DNAL1: variants seen among roughly 807,000 people sequenced by gnomAD.
The protein encoded by DNAL1 is dynein axonemal light chain 1.
A neutral mutation model predicts 29.4 loss-of-function variants in DNAL1; 17 were observed. That is an observed-to-expected ratio of 0.58 (90% confidence interval 0.40 to 0.87). The LOEUF is 0.87. DNAL1 is among the 40% of genes least tolerant of loss of function. The pLI, the probability that DNAL1 is intolerant of heterozygous loss-of-function variation, is 0.00. For missense variants in DNAL1, 188 were observed against 214.1 expected, an observed-to-expected ratio of 0.88 and a Z score of 0.76; for synonymous variants, 78 against 76.3, an observed-to-expected ratio of 1.02 and a Z score of -0.12.
intron 4 of DNAL1, among the ~76,000 whole-genome samples, chr14:73,662,689 G>C (rs187147411): frequency 6.6e-6 from 1 of 152,032 alleles, no homozygotes; most frequent in East Asian, 1.9e-4. Context: ...TTCTCCTTCT[G>C]TGTCAAATCT....
At chr14:73,664,763 TAGG>T (rs1891436448) in intron 4 of DNAL1, among the ~76,000 whole-genome samples, 2 of 151,834 alleles carry the variant, frequency 1.3e-5, no homozygotes, top group Middle Eastern at 3.2e-3. Flanking sequence ...CCCAGCTACT[TAGG>T]AGGAGGATTG....
chr14:73,646,271 T>C (rs1890974959), intron 1 of DNAL1, among the ~76,000 whole-genome samples: 1 of 152,232 alleles, frequency 6.6e-6, no homozygotes, highest in Non-Finnish European at 1.5e-5. Context: ...ATAAGTCACT[T>C]AATGATGACA....
At chr14:73,691,705 A>G (rs1209750346) in intron 7 of DNAL1, among the ~76,000 whole-genome samples, 1 of 151,838 alleles carries the variant, frequency 6.6e-6, no homozygotes, top group Non-Finnish European at 1.5e-5. Flanking sequence ...TCAGTCTGTC[A>G]TTCTTTTTTT....
chr14:73,668,458 G>T (rs890885511), intron 4 of DNAL1, among the ~76,000 whole-genome samples: 2 of 152,132 alleles, frequency 1.3e-5, no homozygotes, highest in African/African-American at 2.4e-5. Context: ...ATAATTATGT[G>T]ATTTTCTTAA....
At chr14:73,650,904 G>A (rs1891098796) in intron 1 of DNAL1, among the ~76,000 whole-genome samples, 2 of 152,204 alleles carry the variant, frequency 1.3e-5, no homozygotes, top group African/African-American at 4.8e-5. Flanking sequence ...AGCCTCCTGA[G>A]TAGCTGGGAC....
intron 4 of DNAL1, among the ~76,000 whole-genome samples, chr14:73,667,130 A>G (rs945738148): frequency 6.6e-6 from 1 of 151,422 alleles, no homozygotes; most frequent in African/African-American, 2.4e-5. Flanking sequence ...CAGACATCTC[A>G]TACTTCTTTT....
rs1892486181 is a variant in DNAL1 at position 73,703,552 on chromosome 14, C to G, written c.*7610C>G. The G allele has an allele frequency of 6.6e-6, 1 of 152,224 alleles. No individual in the cohort carries two copies. The highest frequency in any genetic ancestry group is 2.4e-5 in the African/African-American group (1 of 41,444). The allele number at this position is 152,224 out of a possible 1,614,324, so 9.4% of individuals were successfully genotyped here. ...TTAAGAAGGTTCTTTTTAATTCTCC[C>G]CACCCTTGAGAATGTACTTTGTGAG... On this transcript the variant is annotated 3_prime_UTR_variant, in exon 8 of 8. Transcript: ENST00000553645.
chr14:73,659,628 C>G (rs1167103370), intron 3 of DNAL1: 1 of 152,136 alleles, frequency 6.6e-6, no homozygotes, highest in Non-Finnish European at 1.5e-5. Flanking sequence ...ATCTATCGTT[C>G]CAGTTTAGTA....
In DNAL1 at chr14:73,698,296, C is replaced by T. The variant is rs1008136200; in HGVS notation, c.*2354C>T. ...TTCTATGCATCCCTGTTCATGGAAC[C>T]CATGCCATTAGAAAATGGCAGTTGG... On this transcript the variant is annotated 3_prime_UTR_variant, in exon 8 of 8. Transcript: ENST00000553645. 2.0e-5 allele frequency: 3 copies of T among 152,108 alleles called. No individual in the cohort carries two copies. In the South Asian group the frequency reaches 6.2e-4, roughly 32 times the overall value. The allele number at this position is 152,108 out of a possible 1,614,324, so 9.4% of individuals were successfully genotyped here.
chr14:73,685,610 C>T (rs138352989), intron 5 of DNAL1, among the ~76,000 whole-genome samples: 459 of 152,058 alleles, frequency 3.0e-3, no homozygotes, highest in African/African-American at 0.011. Flanking sequence ...CAGGCATGTG[C>T]CACCATGCCC....
intron 4 of DNAL1, among the ~76,000 whole-genome samples, chr14:73,670,547 G>A (rs1891594058): frequency 6.6e-6 from 1 of 151,928 alleles, no homozygotes; most frequent in East Asian, 1.9e-4. Context: ...ATATGCACCT[G>A]GTTTTATTCA....
chr14:73,682,785 A>AC (rs1184139917), intron 5 of DNAL1, among the ~76,000 whole-genome samples: 3 of 151,728 alleles, frequency 2.0e-5, no homozygotes, highest in African/African-American at 7.3e-5. Context: ...GCAGTAACAC[A>AC]CATGGAGCCA....
chr14:73,670,719 TTTA>T (rs1339913891), intron 4 of DNAL1, among the ~76,000 whole-genome samples: 1 of 151,522 alleles, frequency 6.6e-6, no homozygotes, highest in Non-Finnish European at 1.5e-5. Flanking sequence ...TATTTTATTT[TTTA>T]TTTTTTATTT....
intron 5 of DNAL1, among the ~76,000 whole-genome samples, chr14:73,677,609 T>C (rs1891767520): frequency 2.0e-5 from 3 of 150,522 alleles, no homozygotes; most frequent in Non-Finnish European, 4.4e-5. Flanking sequence ...CAGGCTGGAG[T>C]GCAGTGGCAT....
In DNAL1 at chr14:73,701,961, A is replaced by G. The variant is rs934537766; in HGVS notation, c.*6019A>G. ...TTATTTTGTAAAAAAAAAAAAAAGT[A>G]TATTTTTGGTACATGATTATTAGTT... On this transcript the variant is annotated 3_prime_UTR_variant, in exon 8 of 8. Coordinates refer to ENST00000553645, the MANE Select transcript of DNAL1 (RefSeq NM_031427.4). 6.6e-6 allele frequency: 1 copy of G among 151,614 alleles called. No individual in the cohort carries two copies. The highest frequency in any genetic ancestry group is 6.6e-5 in the Admixed American group (1 of 15,220). 9.4% of individuals were successfully genotyped at this position (151,614 alleles called of 1,614,324 possible). A position where few individuals can be genotyped will look rare whatever the true frequency, so the allele number is the denominator to read the frequency against.
intron 3 of DNAL1, 119 bp from the exon 4 acceptor site, chr14:73,661,868 T>C (rs1299015548): frequency 1.6e-6 from 1 of 617,726 alleles, no homozygotes; most frequent in Non-Finnish European, 2.8e-6. Context: ...ATAAATGCTA[T>C]GATTGAGTGG....
intron 5 of DNAL1, among the ~76,000 whole-genome samples, chr14:73,679,578 TAGTC>T (rs1406825324): frequency 1.3e-5 from 2 of 152,214 alleles, no homozygotes; most frequent in Non-Finnish European, 2.9e-5. Flanking sequence ...TAAGTCATGT[TAGTC>T]AGACCCTGGC....
intron 5 of DNAL1, among the ~76,000 whole-genome samples, chr14:73,685,700 G>A (rs548714125): frequency 1.0e-3 from 159 of 152,206 alleles, no homozygotes; most frequent in Non-Finnish European, 2.0e-3. Flanking sequence ...GACCTAAGGT[G>A]AGCCGCCCGC....
chr14:73,675,670 G>T (rs540000136), intron 5 of DNAL1, among the ~76,000 whole-genome samples: 4 of 151,122 alleles, frequency 2.6e-5, no homozygotes, highest in Admixed American at 2.6e-4. Context: ...TAGACACTCT[G>T]TAAGTGTTTA....
Sources: gnomAD v4.1 joint callset for allele counts (sites outside exome capture counted in the v4.1 genomes callset) on GRCh38, gnomAD v4.1.1 for gene constraint, MANE v1.5 for transcripts, NCBI Gene and HGNC (gene_info 2026-07-23, HGNC 2026-07-21) for gene names.